Variants in RPS6KA2 observed in about 807,000 individuals in gnomAD.
RPS6KA2 encodes the protein ribosomal protein S6 kinase alpha-2.
RPS6KA2 carries 42 observed loss-of-function variants against 91.8 expected under a neutral mutation model. The ratio of observed to expected loss-of-function variants is 0.46; its 90% CI spans 0.36 to 0.59. The LOEUF (loss-of-function observed/expected upper bound fraction) is 0.59. RPS6KA2 is among the 20% of genes least tolerant of loss of function. The pLI, the probability that RPS6KA2 is intolerant of heterozygous loss-of-function variation, is 0.00. For missense variants in RPS6KA2, 798 were observed against 978.5 expected (o/e 0.82, Z 2.46); for synonymous variants, 414 against 393.6 (o/e 1.05, Z -0.61).
intron 2 of RPS6KA2, among the ~76,000 whole-genome samples, chr6:166,842,903 C>T (rs1056335099): frequency 3.3e-5 from 5 of 152,134 alleles, no homozygotes; most frequent in South Asian, 2.1e-4. Flanking sequence ...AATCCACGGA[C>T]CCTTTGAAGG....
chr6:166,703,654 A>G (rs1216380069), intron 2 of RPS6KA2, among the ~76,000 whole-genome samples: 1 of 152,220 alleles, frequency 6.6e-6, no homozygotes, highest in Non-Finnish European at 1.5e-5. Flanking sequence ...GTTGCTCAAC[A>G]TTTCTTCACA....
intron 2 of RPS6KA2, among the ~76,000 whole-genome samples, chr6:166,750,445 G>A (rs1791242358): frequency 1.3e-5 from 2 of 152,146 alleles, no homozygotes; most frequent in South Asian, 4.1e-4. Context: ...CTCCTCCTCA[G>A]ACACACGCCT....
chr6:166,518,172 A>G (rs1383888576), intron 3 of RPS6KA2, among the ~76,000 whole-genome samples: 2 of 147,514 alleles, frequency 1.4e-5, no homozygotes, highest in African/African-American at 5.0e-5. Context: ...CTGCAGCCCT[A>G]GCTACTTGGG....
chr6:166,600,561 T>C (rs938389189), intron 1 of RPS6KA2, among the ~76,000 whole-genome samples: 3 of 152,250 alleles, frequency 2.0e-5, no homozygotes, highest in Admixed American at 6.5e-5. Context: ...CTGATGGGTT[T>C]TGAGATCCTT....
chr6:166,822,531 G>A (rs1389358807), intron 2 of RPS6KA2, among the ~76,000 whole-genome samples: 1 of 152,166 alleles, frequency 6.6e-6, no homozygotes, highest in Non-Finnish European at 1.5e-5. Flanking sequence ...TTTCTGTTGT[G>A]AAAGCTGCCG....
chr6:166,546,911 C>A (rs932874896), intron 1 of RPS6KA2, among the ~76,000 whole-genome samples: 1 of 152,176 alleles, frequency 6.6e-6, no homozygotes. Flanking sequence ...CTGTTGGGAA[C>A]GCTGAGCTGG....
intron 6 of RPS6KA2, among the ~76,000 whole-genome samples, chr6:166,501,623 G>A (rs747460334): frequency 3.9e-5 from 6 of 152,224 alleles, no homozygotes; most frequent in Non-Finnish European, 8.8e-5. Flanking sequence ...ACCCTGCATA[G>A]AGAATGGAGG....
intron 2 of RPS6KA2, among the ~76,000 whole-genome samples, chr6:166,653,307 C>T (rs1025570385): frequency 1.3e-5 from 2 of 152,156 alleles, no homozygotes; most frequent in Non-Finnish European, 2.9e-5. Context: ...GTAATCCGCC[C>T]GCCTCAGCCT....
At chr6:166,682,535 A>G (rs1788858838) in intron 2 of RPS6KA2, among the ~76,000 whole-genome samples, 1 of 152,198 alleles carries the variant, frequency 6.6e-6, no homozygotes, top group South Asian at 2.1e-4. Context: ...CAGGGCCAAC[A>G]TGTCAGGTTT....
Position 166,766,355 on chromosome 6 carries a change from T to A in RPS6KA2, c.123+91845A>T, listed in dbSNP as rs142316358. 3.1e-3 allele frequency among the ~76,000 whole-genome samples: 472 copies of A among 152,336 alleles called. 3 individuals are homozygous for A. The highest frequency in any genetic ancestry group is 0.01 in the African/African-American group (423 of 41,574). ...GCCTATAACTTCAATTATATTTAAT[T>A]TTCAAATATAATTATTGTACCAGTA... is the stretch of plus-strand genomic sequence containing the variant. On this transcript the variant is annotated intron_variant, in intron 2 of 21. Coordinates refer to the RPS6KA2 transcript ENST00000503859.
In RPS6KA2 at chr6:166,769,830, G is replaced by A. The variant is rs181314504; in HGVS notation, c.123+88370C>T. On this transcript the variant is annotated intron_variant, in intron 2 of 21. Transcript: ENST00000503859. ...GCGACGGGGCTGAGAAAAGGCGGCC[G>A]CATCCTTGTGCAGTGCCCTCCCTGG... 1.1e-4 allele frequency among the ~76,000 whole-genome samples: 16 copies of A among 152,306 alleles called. No homozygotes were observed. The East Asian group carries it at 2.3e-3, about 22-fold the overall frequency.
chr6:166,783,288 C>G (rs845643), intron 2 of RPS6KA2, among the ~76,000 whole-genome samples: 59,799 of 151,276 alleles, frequency 0.4, 13,260 homozygotes, highest in East Asian at 0.55. Flanking sequence ...AGATTACCTT[C>G]GTAATGTGAG....
intron 2 of RPS6KA2, among the ~76,000 whole-genome samples, chr6:166,659,112 G>C (rs1201163437): frequency 6.6e-6 from 1 of 152,086 alleles, no homozygotes; most frequent in East Asian, 1.9e-4. Flanking sequence ...GTCACCAACT[G>C]ACTGTGCAAA....
chr6:166,511,626 G>A (rs1395919937), intron 3 of RPS6KA2, among the ~76,000 whole-genome samples: 1 of 152,174 alleles, frequency 6.6e-6, no homozygotes, highest in Non-Finnish European at 1.5e-5. Flanking sequence ...CCCCATGAGC[G>A]ATGGGAGAAA....
intron 12 of RPS6KA2, among the ~76,000 whole-genome samples, chr6:166,457,721 G>A (rs760651111): frequency 4.6e-5 from 7 of 152,062 alleles, no homozygotes; most frequent in South Asian, 2.1e-4. Context: ...TAAAAGCCCC[G>A]CAACCCTCCC....
chr6:166,643,353 A>T (rs1787505531), intron 2 of RPS6KA2, among the ~76,000 whole-genome samples: 1 of 152,242 alleles, frequency 6.6e-6, no homozygotes, highest in Admixed American at 6.5e-5. Flanking sequence ...ATATAACAAG[A>T]TACATAAAAA....
chr6:166,520,653 T>C (rs1782824890), intron 3 of RPS6KA2, among the ~76,000 whole-genome samples: 1 of 152,030 alleles, frequency 6.6e-6, no homozygotes, highest in African/African-American at 2.4e-5. Context: ...TGGGTAGAGG[T>C]TGGAAGAGTT....
intron 1 of RPS6KA2, among the ~76,000 whole-genome samples, chr6:166,594,531 C>T (rs1260477918): frequency 6.6e-6 from 1 of 152,070 alleles, no homozygotes; most frequent in South Asian, 2.1e-4. Context: ...GGCGCAATCT[C>T]GGCTCACTGC....
At chr6:166,475,497 C>A (rs928091045) in intron 10 of RPS6KA2, among the ~76,000 whole-genome samples, 4 of 152,192 alleles carry the variant, frequency 2.6e-5, no homozygotes, top group South Asian at 2.1e-4. Context: ...CCCCTCCCCC[C>A]ACACCCCGTC....
Sources: allele counts gnomAD v4.1 joint callset (sites outside exome capture counted in the v4.1 genomes callset), GRCh38; gene constraint gnomAD v4.1.1; transcripts MANE v1.5; gene names NCBI Gene and HGNC (gene_info 2026-07-23, HGNC 2026-07-21).